Variants in FAM167A observed in about 807,000 individuals in gnomAD.
FAM167A encodes protein FAM167A.
In FAM167A, 23 loss-of-function variants were observed where a neutral mutation model predicts 14.9. That is an observed-to-expected ratio of 1.55 (90% confidence interval 1.11 to 2.19). The LOEUF (loss-of-function observed/expected upper bound fraction) is 2.19. FAM167A is among the 30% of genes most tolerant of loss of function. FAM167A has a pLI of 0.00. For synonymous variants in FAM167A, 174 were observed against 117.7 expected, an observed-to-expected ratio of 1.48 and a Z score of -3.10; for missense variants, 401 against 281.5, an observed-to-expected ratio of 1.42 and a Z score of -3.04.
At chr8:11,430,499 A>C (rs1805506294) in intron 2 of FAM167A, among the ~76,000 whole-genome samples, 1 of 152,258 alleles carries the variant, frequency 6.6e-6, no homozygotes, top group Non-Finnish European at 1.5e-5. Flanking sequence ...CACAACTCTG[A>C]AAACACTAAA....
chr8:11,440,589 C>G (rs1806378059), intron 2 of FAM167A, among the ~76,000 whole-genome samples: 1 of 152,198 alleles, frequency 6.6e-6, no homozygotes, highest in South Asian at 2.1e-4. Flanking sequence ...ACCACTGCCT[C>G]CTGGGAGAGC....
At chr8:11,446,514 T>C (rs1457935946) in intron 1 of FAM167A, 1 of 152,150 alleles carries the variant, frequency 6.6e-6, no homozygotes, top group Non-Finnish European at 1.5e-5. Flanking sequence ...ATGATCCGAG[T>C]GTGCAGCCGG....
At position 11,421,550 on chromosome 8, in the gene FAM167A, A is replaced by T; in HGVS notation, c.*2823T>A. On this transcript the variant is annotated 3_prime_UTR_variant, in exon 3 of 3. Transcript: ENST00000284486. ...TTCTAACAGCAATATAGAAACAAAT[A>T]ATCATAAAAAATAAAAGTATAAATC... 2.5e-6 allele frequency: 1 copy of T among 396,308 alleles called. No individual in the cohort carries two copies. The highest frequency in any genetic ancestry group is 4.4e-6 in the Non-Finnish European group (1 of 224,928). 24.5% of individuals were successfully genotyped at this position (396,308 alleles called of 1,614,324 possible).
At chr8:11,427,457 T>C (rs143361233) in intron 2 of FAM167A, among the ~76,000 whole-genome samples, 52 of 152,316 alleles carry the variant, frequency 3.4e-4, no homozygotes, top group African/African-American at 1.1e-3. Context: ...AGTGGTTATT[T>C]AGTATTTCTG....
intron 1 of FAM167A, among the ~76,000 whole-genome samples, chr8:11,464,045 C>T (rs1807650651): frequency 6.6e-6 from 1 of 152,162 alleles, no homozygotes; most frequent in East Asian, 1.9e-4. Flanking sequence ...CACAGGGAGA[C>T]TGGGCTACTG....
intron 1 of FAM167A, among the ~76,000 whole-genome samples, chr8:11,452,980 G>C (rs949494908): frequency 2.0e-5 from 3 of 152,268 alleles, no homozygotes; most frequent in Admixed American, 2.0e-4. Flanking sequence ...AAGCTGGGGT[G>C]ATCTCCCCCC....
At chr8:11,439,196 C>T (rs1240751509) in intron 2 of FAM167A, among the ~76,000 whole-genome samples, 1 of 152,252 alleles carries the variant, frequency 6.6e-6, no homozygotes, top group Non-Finnish European at 1.5e-5. Flanking sequence ...GAGCCTCAGT[C>T]TTCTCCTCTG....
chr8:11,467,764 C>T (rs1218667120), upstream of FAM167A, among the ~76,000 whole-genome samples: 1 of 152,270 alleles, frequency 6.6e-6, no homozygotes, highest in African/African-American at 2.4e-5. Context: ...CCCTCTGGTG[C>T]CCGCGTCCTT....
chr8:11,428,300 C>T (rs1462107308), intron 2 of FAM167A, among the ~76,000 whole-genome samples: 1 of 152,090 alleles, frequency 6.6e-6, no homozygotes, highest in East Asian at 1.9e-4. Context: ...CAGATCTGGT[C>T]AAAGGTCAGA....
intron 1 of FAM167A, among the ~76,000 whole-genome samples, chr8:11,472,929 C>A (rs561072112): frequency 2.0e-5 from 3 of 152,306 alleles, no homozygotes; most frequent in Non-Finnish European, 4.4e-5. Context: ...TGGTGTCTGG[C>A]AGTTACTATA....
chr8:11,447,141 A>C (rs1311453566), intron 1 of FAM167A, among the ~76,000 whole-genome samples: 1 of 152,030 alleles, frequency 6.6e-6, no homozygotes, highest in African/African-American at 2.4e-5. Flanking sequence ...ACAAGTCTGT[A>C]ACTGTATTGC....
intron 2 of FAM167A, among the ~76,000 whole-genome samples, chr8:11,435,779 A>T (rs930551993): frequency 5.3e-5 from 8 of 152,178 alleles, no homozygotes; most frequent in African/African-American, 1.9e-4. Flanking sequence ...GCATAATAGT[A>T]CCCACTTACT....
intron 1 of FAM167A, among the ~76,000 whole-genome samples, chr8:11,459,134 G>C (rs926011883): frequency 6.6e-6 from 1 of 152,202 alleles, no homozygotes; most frequent in Non-Finnish European, 1.5e-5. Context: ...GTTAGAAGGA[G>C]GAGGAAAAGA....
chr8:11,430,098 T>C (rs1416138440), intron 2 of FAM167A, among the ~76,000 whole-genome samples: 1 of 152,222 alleles, frequency 6.6e-6, no homozygotes, highest in Non-Finnish European at 1.5e-5. Flanking sequence ...ATGCTGTCTC[T>C]GGCAAAGGCT....
chr8:11,459,275 A>G (rs1182817290), intron 1 of FAM167A, among the ~76,000 whole-genome samples: 1 of 152,202 alleles, frequency 6.6e-6, no homozygotes, highest in Non-Finnish European at 1.5e-5. Context: ...ACAGTTCACA[A>G]GCAGGTCAGG....
At chr8:11,465,090 G>T (rs1454749342) in intron 1 of FAM167A, among the ~76,000 whole-genome samples, 1 of 152,164 alleles carries the variant, frequency 6.6e-6, no homozygotes, top group African/African-American at 2.4e-5. Flanking sequence ...CTTCAGGTGG[G>T]AAGAATTGAG....
Position 11,430,420 on chromosome 8 carries a change from G to A in FAM167A, c.382-5784C>T, listed in dbSNP as rs542150299. Among the ~76,000 whole-genome samples, 11 of 152,304 alleles carry A rather than the reference G, an allele frequency of 7.2e-5. No homozygotes were observed. The South Asian group carries it at 8.3e-4, about 11-fold the overall frequency. Reference sequence around the variant, plus strand: ...TTTTTGGGGGCAGACAAGAATGCTCGTTAAGATGTGAGCCACTGCACCTGG... The same window carrying A: ...TTTTTGGGGGCAGACAAGAATGCTCATTAAGATGTGAGCCACTGCACCTGG... On this transcript the variant is annotated intron_variant, in intron 2 of 2. Transcript: ENST00000284486.
At chr8:11,467,697 C>CCTTCTG (rs1807828142), upstream of FAM167A, 1 of 152,346 alleles carries the variant, frequency 6.6e-6, no homozygotes, top group African/African-American at 2.4e-5. Context: ...AGGTGCGCGG[C>CCTTCTG]TGGTCGGGCC....
intron 1 of FAM167A, among the ~76,000 whole-genome samples, chr8:11,446,059 T>C (rs922710073): frequency 7.0e-6 from 1 of 141,938 alleles, no homozygotes. Flanking sequence ...GCCATAGTCA[T>C]GATTACTTGT....
Sources: allele counts gnomAD v4.1 joint callset (sites outside exome capture counted in the v4.1 genomes callset), GRCh38; gene constraint gnomAD v4.1.1; transcripts MANE v1.5; gene names NCBI Gene and HGNC (gene_info 2026-07-23, HGNC 2026-07-21).